The following FBXW7 variants were observed in gnomAD, a reference collection of about 807,000 sequenced individuals.
FBXW7 encodes F-box and WD repeat domain containing 7, also known as F-box/WD repeat-containing protein 7.
FBXW7 carries 11 observed loss-of-function variants against 86.3 expected under a neutral mutation model. The observed-to-expected ratio is 0.13, with a 90% CI of 0.08 to 0.21. FBXW7 has a LOEUF of 0.21. Ranked by LOEUF, FBXW7 falls within the 10% of genes least tolerant of loss-of-function variation. The probability of loss-of-function intolerance (pLI) is 1.00; values close to 1 mark genes in which losing one functional copy is unlikely to be tolerated. For missense variants in FBXW7, 488 were observed against 847.4 expected (o/e 0.58, Z 5.27); for synonymous variants, 313 against 297.9 (o/e 1.05, Z -0.52).
intron 4 of FBXW7, among the ~76,000 whole-genome samples, chr4:152,405,124 G>GAAAAAAAAAAA (rs1737295887): frequency 7.3e-6 from 1 of 137,204 alleles, no homozygotes. Context: ...AAAAAGAGGT[G>GAAAAAAAAAAA]AAATGACAAC....
In FBXW7 at chr4:152,460,059, G is replaced by C. The variant is rs138958709; in HGVS notation, c.-119-47530C>G. 2.6e-3 allele frequency among the ~76,000 whole-genome samples: 392 copies of C among 152,314 alleles called. 3 individuals are homozygous for C. The highest frequency in any genetic ancestry group is 8.8e-3 in the African/African-American group (367 of 41,566). ...GAATGATAGAAAAGTTCTGGAAAAA[G>C]TAGTAATGAACGAACAACACTGTGA... On this transcript the variant is annotated intron_variant, in intron 2 of 13. Transcript: ENST00000281708.
At chr4:152,473,143 C>G (rs1040239585) in intron 2 of FBXW7, among the ~76,000 whole-genome samples, 1 of 152,220 alleles carries the variant, frequency 6.6e-6, no homozygotes, top group East Asian at 1.9e-4. Flanking sequence ...ACTCAGGAGG[C>G]TGAGGTGGGA....
At chr4:152,436,425 A>C (rs935602037) in intron 2 of FBXW7, among the ~76,000 whole-genome samples, 2 of 152,268 alleles carry the variant, frequency 1.3e-5, no homozygotes, top group Admixed American at 6.5e-5. Context: ...TTAAAAAAAG[A>C]AGCTGTCTTG....
At chr4:152,398,902 A>G (rs1421004215) in intron 4 of FBXW7, among the ~76,000 whole-genome samples, 3 of 152,122 alleles carry the variant, frequency 2.0e-5, no homozygotes, top group Non-Finnish European at 4.4e-5. Flanking sequence ...TGTTTGAAAA[A>G]TTGATAATAC....
intron 2 of FBXW7, among the ~76,000 whole-genome samples, chr4:152,509,173 G>A (rs1049556434): frequency 6.6e-6 from 1 of 152,118 alleles, no homozygotes; most frequent in Admixed American, 6.5e-5. Context: ...TTGTGATCCT[G>A]GACCAGAGAA....
chr4:152,422,062 T>C (rs917005174), intron 2 of FBXW7, among the ~76,000 whole-genome samples: 2 of 151,816 alleles, frequency 1.3e-5, no homozygotes, highest in Non-Finnish European at 2.9e-5. Flanking sequence ...CAACACAGGA[T>C]TGCTCCAACC....
chr4:152,466,896 C>G (rs185289040), intron 2 of FBXW7, among the ~76,000 whole-genome samples: 2,080 of 152,144 alleles, frequency 0.014, 26 homozygotes, highest in Middle Eastern at 0.037. Context: ...GAGCTGAGAT[C>G]GCGCCACTGC....
chr4:152,395,298 A>G (rs748391220), intron 4 of FBXW7, among the ~76,000 whole-genome samples: 60 of 152,012 alleles, frequency 3.9e-4, no homozygotes, highest in Non-Finnish European at 7.8e-4. Flanking sequence ...CAGCTGGTCC[A>G]AGGTAACACT....
intron 2 of FBXW7, among the ~76,000 whole-genome samples, chr4:152,471,402 A>G: frequency 6.9e-6 from 1 of 144,926 alleles, no homozygotes; most frequent in South Asian, 2.3e-4. Context: ...GGAGGGAAGG[A>G]GGGAAGGAAG....
intron 2 of FBXW7, among the ~76,000 whole-genome samples, chr4:152,505,891 C>A (rs2149707075): frequency 6.6e-6 from 1 of 151,966 alleles, no homozygotes; most frequent in East Asian, 1.9e-4. Flanking sequence ...CAGACGTGCA[C>A]CACCACACCC....
At chr4:152,369,377 T>C (rs1733795636) in intron 4 of FBXW7, among the ~76,000 whole-genome samples, 1 of 152,102 alleles carries the variant, frequency 6.6e-6, no homozygotes, top group African/African-American at 2.4e-5. Context: ...GCACTCTGCT[T>C]TTCTGATATG....
At chr4:152,407,207 T>C (rs970840006) in intron 4 of FBXW7, among the ~76,000 whole-genome samples, 1 of 152,144 alleles carries the variant, frequency 6.6e-6, no homozygotes, top group African/African-American at 2.4e-5. Context: ...GGAAAACCCA[T>C]CTCACCCATT....
intron 7 of FBXW7, among the ~76,000 whole-genome samples, chr4:152,334,332 A>G (rs1578901595): frequency 6.6e-6 from 1 of 152,324 alleles, no homozygotes; most frequent in South Asian, 2.1e-4. Context: ...ATACTCCAAA[A>G]GCTACTTAAT....
At chr4:152,406,746 T>C (rs531605152) in intron 4 of FBXW7, among the ~76,000 whole-genome samples, 26 of 152,324 alleles carry the variant, frequency 1.7e-4, no homozygotes, top group Middle Eastern at 3.4e-3. Context: ...TTTATGTCTA[T>C]TTTTATTGAA....
chr4:152,460,709 T>G (rs1279102327), intron 2 of FBXW7, among the ~76,000 whole-genome samples: 1 of 152,232 alleles, frequency 6.6e-6, no homozygotes, highest in Non-Finnish European at 1.5e-5. Flanking sequence ...TTGAGCAATT[T>G]GACCACTTAT....
chr4:152,456,606 G>A (rs767724178), intron 2 of FBXW7, among the ~76,000 whole-genome samples: 7 of 152,064 alleles, frequency 4.6e-5, no homozygotes, highest in African/African-American at 7.2e-5. Flanking sequence ...GATGTGAATG[G>A]CAAACAAGCA....
intron 2 of FBXW7, among the ~76,000 whole-genome samples, chr4:152,516,374 T>C (rs116596719): frequency 3.1e-3 from 472 of 152,298 alleles, no homozygotes; most frequent in Middle Eastern, 6.8e-3. Flanking sequence ...GAACTGTGCA[T>C]GCAAGGCATC....
At chr4:152,501,079 G>GA in intron 2 of FBXW7, among the ~76,000 whole-genome samples, 1 of 152,290 alleles carries the variant, frequency 6.6e-6, no homozygotes, top group African/African-American at 2.4e-5. Flanking sequence ...AGACATGCAG[G>GA]AAGACAAGCT....
intron 4 of FBXW7, among the ~76,000 whole-genome samples, chr4:152,407,456 G>A (rs956791736): frequency 1.3e-5 from 2 of 152,176 alleles, no homozygotes; most frequent in South Asian, 2.1e-4. Context: ...AGGTAGACTA[G>A]GCCAGGGACT....
Sources: gnomAD v4.1 joint callset for allele counts (sites outside exome capture counted in the v4.1 genomes callset) on GRCh38, gnomAD v4.1.1 for gene constraint, MANE v1.5 for transcripts, NCBI Gene and HGNC (gene_info 2026-07-23, HGNC 2026-07-21) for gene names.